The following KIAA0825 variants were observed in gnomAD, a reference collection of about 807,000 sequenced individuals.
KIAA0825 encodes KIAA0825, also known as uncharacterized protein KIAA0825.
KIAA0825 carries 119 observed loss-of-function variants against 147.6 expected under a neutral mutation model. That is an observed-to-expected ratio of 0.81 (90% CI 0.69 to 0.94). The LOEUF (loss-of-function observed/expected upper bound fraction) is 0.94. Among genes scored for constraint, KIAA0825 ranks in the 40% least tolerant of loss-of-function variants. The pLI is 0.00. For synonymous variants in KIAA0825, 470 were observed against 518.1 expected (o/e 0.91, Z 1.26); for missense variants, 1,381 against 1,472.7 (o/e 0.94, Z 1.02).
At chr5:94,368,482 G>A (rs1315918724) in intron 20 of KIAA0825, among the ~76,000 whole-genome samples, 1 of 152,072 alleles carries the variant, frequency 6.6e-6, no homozygotes, top group East Asian at 1.9e-4. Flanking sequence ...CCAGTTATTT[G>A]CAATTGGTTT....
At chr5:94,376,208 T>TA (rs1747546115) in intron 20 of KIAA0825, among the ~76,000 whole-genome samples, 1 of 152,196 alleles carries the variant, frequency 6.6e-6, no homozygotes, top group Admixed American at 6.5e-5. Context: ...ATCAGTATTA[T>TA]TACAGTAAAT....
intron 20 of KIAA0825, among the ~76,000 whole-genome samples, chr5:94,160,378 T>C (rs74661445): frequency 0.036 from 5,390 of 150,588 alleles, 212 homozygotes; most frequent in East Asian, 0.15. Context: ...TGTATTCATA[T>C]ATGTACATAT....
At chr5:94,593,730 A>G (rs780800964) in intron 1 of KIAA0825, 25 of 380,694 alleles carry the variant, frequency 6.6e-5, no homozygotes, top group Non-Finnish European at 1.3e-4. Flanking sequence ...ACTATAAACA[A>G]TTAGAGTTGT....
intron 20 of KIAA0825, among the ~76,000 whole-genome samples, chr5:94,236,424 G>A (rs2150095358): frequency 6.6e-6 from 1 of 152,280 alleles, no homozygotes; most frequent in African/African-American, 2.4e-5. Flanking sequence ...GAAAAGATGA[G>A]GAGTTGATTC....
intron 5 of KIAA0825, among the ~76,000 whole-genome samples, chr5:94,502,597 T>C (rs1194468937): frequency 6.6e-6 from 1 of 152,206 alleles, no homozygotes; most frequent in African/African-American, 2.4e-5. Flanking sequence ...GAAGGCAATA[T>C]GAGAATGCTG....
chr5:94,259,536 A>G (rs536255428), intron 20 of KIAA0825, among the ~76,000 whole-genome samples: 1 of 152,092 alleles, frequency 6.6e-6, no homozygotes, highest in East Asian at 1.9e-4. Flanking sequence ...CTCCTTGTTG[A>G]TCCCTAGCAG....
intron 20 of KIAA0825, among the ~76,000 whole-genome samples, chr5:94,175,689 C>A (rs986858005): frequency 6.6e-6 from 1 of 152,104 alleles, no homozygotes; most frequent in African/African-American, 2.4e-5. Context: ...AAAAGAAGTT[C>A]ATTAATTGAT....
rs139031855 is a variant in KIAA0825 at position 94,330,736 on chromosome 5, C to T, written c.3710+53632G>A. Among the ~76,000 whole-genome samples the T allele has an allele frequency of 2.2e-3, 337 of 152,052 alleles. 1 individual carries two copies. Among genetic ancestry groups the T allele is most frequent in the African/African-American group, 7.7e-3 (320 of 41,514 alleles). ...CAAAATAGAGAAAAATCAATGAAAT[C>T]AAAAGTCAGTTCTTTAAAAGGGTTG... On this transcript the variant is annotated intron_variant, in intron 20 of 20. Coordinates refer to ENST00000682413, the MANE Select transcript of KIAA0825 (RefSeq NM_001145678.3).
intron 11 of KIAA0825, among the ~76,000 whole-genome samples, chr5:94,463,790 A>G (rs1419229935): frequency 6.6e-6 from 1 of 151,970 alleles, no homozygotes; most frequent in East Asian, 1.9e-4. Context: ...ATGAGGTAAC[A>G]GTAAAGCTGA....
chr5:94,281,328 A>G (rs1777457661), intron 20 of KIAA0825, among the ~76,000 whole-genome samples: 1 of 151,948 alleles, frequency 6.6e-6, no homozygotes, highest in Non-Finnish European at 1.5e-5. Flanking sequence ...GAAAAGTACA[A>G]AAAAAAATTT....
At chr5:94,283,745 C>T (rs1401627846) in intron 20 of KIAA0825, among the ~76,000 whole-genome samples, 1 of 152,024 alleles carries the variant, frequency 6.6e-6, no homozygotes, top group Non-Finnish European at 1.5e-5. Flanking sequence ...CAATTACTTC[C>T]AAACTAAAAA....
chr5:94,206,917 A>G (rs1478278224), intron 20 of KIAA0825, among the ~76,000 whole-genome samples: 1 of 152,216 alleles, frequency 6.6e-6, no homozygotes, highest in African/African-American at 2.4e-5. Flanking sequence ...GGAAGATCAA[A>G]TCAATTCTAT....
At chr5:94,329,352 G>GA (rs1310796265) in intron 20 of KIAA0825, among the ~76,000 whole-genome samples, 1 of 151,980 alleles carries the variant, frequency 6.6e-6, no homozygotes, top group Non-Finnish European at 1.5e-5. Flanking sequence ...AAACTTTCCA[G>GA]AAAAAATGTG....
intron 2 of KIAA0825, among the ~76,000 whole-genome samples, chr5:94,537,778 A>G (rs1452513892): frequency 1.3e-5 from 2 of 152,182 alleles, no homozygotes; most frequent in East Asian, 1.9e-4. Flanking sequence ...ACTGTGAACA[A>G]GGGTGGGTGC....
intron 2 of KIAA0825, among the ~76,000 whole-genome samples, chr5:94,575,193 TG>T (rs1236561905): frequency 6.6e-6 from 1 of 152,090 alleles, no homozygotes; most frequent in African/African-American, 2.4e-5. Context: ...GAGTCAAAAA[TG>T]TTTTTTTACT....
chr5:94,489,662 G>C (rs1763483522), intron 5 of KIAA0825, among the ~76,000 whole-genome samples: 1 of 151,740 alleles, frequency 6.6e-6, no homozygotes, highest in Admixed American at 6.6e-5. Flanking sequence ...GAGGTGGGTG[G>C]ATCACCTGAG....
At chr5:94,479,408 G>A (rs1371079056) in intron 6 of KIAA0825, among the ~76,000 whole-genome samples, 1 of 152,058 alleles carries the variant, frequency 6.6e-6, no homozygotes, top group Non-Finnish European at 1.5e-5. Context: ...GTTCCTCCAT[G>A]TCTCTTAATG....
chr5:94,442,640 T>A (rs1360930722), intron 13 of KIAA0825, among the ~76,000 whole-genome samples: 1 of 152,172 alleles, frequency 6.6e-6, no homozygotes, highest in Non-Finnish European at 1.5e-5. Context: ...TAAACACTGA[T>A]TCTAGATGCT....
intron 20 of KIAA0825, among the ~76,000 whole-genome samples, chr5:94,269,931 C>T (rs1365638743): frequency 6.6e-6 from 1 of 151,710 alleles, no homozygotes; most frequent in African/African-American, 2.4e-5. Context: ...AAAGAAGACC[C>T]AAATAAATAC....
Sources: gnomAD v4.1 joint callset for allele counts (sites outside exome capture counted in the v4.1 genomes callset) on GRCh38, gnomAD v4.1.1 for gene constraint, MANE v1.5 for transcripts, NCBI Gene and HGNC (gene_info 2026-07-23, HGNC 2026-07-21) for gene names.